Variants in PIEZO2 observed in about 807,000 individuals in gnomAD.
PIEZO2 encodes the protein piezo type mechanosensitive ion channel component 2.
PIEZO2 carries 172 observed loss-of-function variants against 337.3 expected under a neutral mutation model. The observed-to-expected ratio is 0.51, with a 90% confidence interval of 0.45 to 0.58. PIEZO2 has a LOEUF of 0.58. Ranked by LOEUF, PIEZO2 falls within the 20% of genes least tolerant of loss-of-function variation. The pLI, the probability that PIEZO2 is intolerant of heterozygous loss-of-function variation, is 0.00. For synonymous variants in PIEZO2, 1,251 were observed against 1,228.5 expected (o/e 1.02, Z -0.38); for missense variants, 3,028 against 3,391.3 (o/e 0.89, Z 2.66).
intron 2 of PIEZO2, among the ~76,000 whole-genome samples, chr18:11,018,387 G>A (rs934025129): frequency 7.9e-4 from 18 of 22,710 alleles, no homozygotes; most frequent in Admixed American, 1.8e-3. Context: ...CATGTCGTGT[G>A]TGTGTGTGTG....
rs1345924152 is a variant in PIEZO2 at position 11,078,719 on chromosome 18, C to T, written c.65-12497G>A. The stretch of plus-strand genomic sequence containing the variant: ...GCCTCTGACCACAGTGTGAAAACCT[C>T]GCTCCCAGAGCAACATCCAAATAGC... On this transcript the variant is annotated intron_variant, in intron 1 of 55. Transcript: ENST00000674853. The surrounding 1 kb of genome is among the most constrained non-coding windows in gnomAD (Gnocchi z 5.3). 6.6e-6 allele frequency among the ~76,000 whole-genome samples: 1 copy of T among 152,304 alleles called. No individual in the cohort carries two copies. Among genetic ancestry groups the T allele is most frequent in the African/African-American group, 2.4e-5 (1 of 41,576 alleles).
chr18:10,886,859 T>A (rs1396897007), intron 4 of PIEZO2, among the ~76,000 whole-genome samples: 1 of 151,956 alleles, frequency 6.6e-6, no homozygotes, highest in Admixed American at 6.6e-5. Context: ...ACCTGAGATT[T>A]AATAATTTGT....
At chr18:10,778,209 A>G (rs1445681511) in intron 18 of PIEZO2, among the ~76,000 whole-genome samples, 1 of 152,132 alleles carries the variant, frequency 6.6e-6, no homozygotes, top group Non-Finnish European at 1.5e-5. Flanking sequence ...TAAAGGATTC[A>G]CCCTGTCATT....
chr18:10,808,084 T>A (rs1461134581), intron 7 of PIEZO2, among the ~76,000 whole-genome samples: 5 of 152,122 alleles, frequency 3.3e-5, no homozygotes, highest in Non-Finnish European at 7.4e-5. Context: ...ACTGTTTGCA[T>A]CTTTTATTTA....
At chr18:10,801,490 G>A in intron 9 of PIEZO2, 62 bp from the exon 10 acceptor site, 1 of 1,409,918 alleles carries the variant, frequency 7.1e-7, no homozygotes, top group South Asian at 1.2e-5. Flanking sequence ...TACTGTTTAT[G>A]TATCTATAAA....
intron 37 of PIEZO2, 82 bp from the exon 38 acceptor site, chr18:10,715,898 C>A: frequency 8.6e-7 from 1 of 1,167,646 alleles, no homozygotes; most frequent in Non-Finnish European, 1.2e-6. Context: ...GATGTTTTAC[C>A]AAAGCTGGAC....
intron 49 of PIEZO2, among the ~76,000 whole-genome samples, chr18:10,684,081 C>CTTCCTTT (rs2034404516): frequency 1.1e-4 from 1 of 9,506 alleles, no homozygotes. Flanking sequence ...TTCCTTTTTC[C>CTTCCTTT]TTCCTTCCTT....
intron 1 of PIEZO2, among the ~76,000 whole-genome samples, chr18:11,141,735 G>A (rs1049076202): frequency 7.9e-5 from 12 of 152,166 alleles, no homozygotes; most frequent in African/African-American, 2.4e-4. Context: ...CAGGATGCTT[G>A]GTGTTGACCA....
chr18:11,135,052 AAT>A (rs1491276066), intron 1 of PIEZO2, among the ~76,000 whole-genome samples: 1 of 151,918 alleles, frequency 6.6e-6, no homozygotes, highest in Non-Finnish European at 1.5e-5. Context: ...AAAAAAAAAA[AAT>A]TTTTTTTCTT....
At position 10,901,596 on chromosome 18, in the gene PIEZO2, A is replaced by G. The variant is rs922203550; in HGVS notation, c.329+9590T>C. ...TTACTTCTTTGAGCTGGGTGGTCACATGGTGAAGTACTTTGAACCTTGGTT... is the reference window on the plus strand; with the variant it reads ...TTACTTCTTTGAGCTGGGTGGTCACGTGGTGAAGTACTTTGAACCTTGGTT... On this transcript the variant is annotated intron_variant, in intron 4 of 55. Transcript: ENST00000674853. 9.2e-5 allele frequency among the ~76,000 whole-genome samples: 14 copies of G among 152,272 alleles called. 1 individual carries two copies. Among genetic ancestry groups the G allele is most frequent in the Admixed American group, 8.5e-4 (13 of 15,286 alleles).
At chr18:10,928,642 T>C (rs2031899168) in intron 3 of PIEZO2, among the ~76,000 whole-genome samples, 1 of 152,244 alleles carries the variant, frequency 6.6e-6, no homozygotes, top group Non-Finnish European at 1.5e-5. Flanking sequence ...CAGGCCTTCA[T>C]GCCATCACAT....
In PIEZO2 at chr18:10,713,975, C is replaced by T. The variant is rs536460825; in HGVS notation, c.5423+789G>A. On this transcript the variant is annotated intron_variant, in intron 39 of 55. Coordinates refer to ENST00000674853, the MANE Select transcript of PIEZO2 (RefSeq NM_001378183.1). This position sits in a 1 kb window ranked among gnomAD's most constrained non-coding sequence, Gnocchi z 4.5. ...CTGGGACAGGCAGTAAGTTGGTCTG[C>T]GGTGCAGGAAGAGGCAATGAGAGAC... Among the ~76,000 whole-genome samples, 4 of 152,194 alleles carry T rather than the reference C, an allele frequency of 2.6e-5. No individual in the cohort carries two copies. Among genetic ancestry groups the T allele is most frequent in the East Asian group, 1.9e-4 (1 of 5,180 alleles).
Position 10,746,060 on chromosome 18 carries a change from C to T in PIEZO2, c.4425-1829G>A, listed in dbSNP as rs1181150319. 6.6e-6 allele frequency among the ~76,000 whole-genome samples: 1 copy of T among 152,170 alleles called. No homozygotes were observed. The highest frequency in any genetic ancestry group is 1.5e-5 in the Non-Finnish European group (1 of 68,032). On this transcript the variant is annotated intron_variant, in intron 30 of 55. Transcript: ENST00000674853. The surrounding 1 kb of genome is among the most constrained non-coding windows in gnomAD (Gnocchi z 4.2). ...TATTTTGCCTCTGGAATATCTTTCT[C>T]AGTGATCCTATCCTGGTCTAGCTGC...
intron 54 of PIEZO2, among the ~76,000 whole-genome samples, chr18:10,674,533 T>C (rs2033908882): frequency 6.6e-6 from 1 of 152,264 alleles, no homozygotes; most frequent in African/African-American, 2.4e-5. Flanking sequence ...TTCACTTATG[T>C]CTGCATCTTT....
At position 10,877,030 on chromosome 18, in the gene PIEZO2, C is replaced by T. The variant is rs2042285626; in HGVS notation, c.330-5615G>A. Among the ~76,000 whole-genome samples the T allele has an allele frequency of 6.6e-6, 1 of 152,222 alleles. No homozygotes were observed. Among genetic ancestry groups the T allele is most frequent in the South Asian group, 2.1e-4 (1 of 4,834 alleles). ...CACTCTCTTCTAATTCTCTACCTAC[C>T]TATGAATATCCATGAAAACTCATGT... On this transcript the variant is annotated intron_variant, in intron 4 of 55. Transcript: ENST00000674853. The surrounding 1 kb of genome is among the most constrained non-coding windows in gnomAD (Gnocchi z 5.3).
chr18:10,986,320 G>A (rs2034868613), intron 2 of PIEZO2, among the ~76,000 whole-genome samples: 1 of 151,906 alleles, frequency 6.6e-6, no homozygotes, highest in African/African-American at 2.4e-5. Flanking sequence ...GATGAACATA[G>A]AGGTAACAGT....
chr18:10,791,865 A>T (rs1035892544), intron 13 of PIEZO2, among the ~76,000 whole-genome samples: 2 of 152,224 alleles, frequency 1.3e-5, no homozygotes, highest in African/African-American at 4.8e-5. Flanking sequence ...CATTTTCTTA[A>T]GGACTAAGAA....
intron 48 of PIEZO2, 98 bp from the exon 49 acceptor site, chr18:10,689,900 C>CAGAAACA (rs1373607506): frequency 3.4e-5 from 48 of 1,403,156 alleles, no homozygotes; most frequent in Non-Finnish European, 4.3e-5. Context: ...GCTTTAACCT[C>CAGAAACA]ATGACTCAGA....
At position 10,943,214 on chromosome 18, in the gene PIEZO2, AAG is replaced by A. The variant is rs2032819280; in HGVS notation, c.287-31988_287-31987del. ...GGGCACCACCTAGTGGAGCTGTGAG[AAG>A]AGGGCCACTGCCATCCTGTAGACCC... On this transcript the variant is annotated intron_variant, in intron 3 of 55. Transcript: ENST00000674853. The surrounding 1 kb of genome is among the most constrained non-coding windows in gnomAD (Gnocchi z 4.5). Among the ~76,000 whole-genome samples, 1 of 152,158 alleles carries A rather than the reference AAG, an allele frequency of 6.6e-6. No homozygotes were observed. Among genetic ancestry groups the A allele is most frequent in the Admixed American group, 6.5e-5 (1 of 15,272 alleles).
Sources: gnomAD v4.1 joint callset for allele counts (sites outside exome capture counted in the v4.1 genomes callset) on GRCh38, gnomAD v4.1.1 for gene constraint, Gnocchi (gnomAD v3.1) non-coding constraint, MANE v1.5 for transcripts, NCBI Gene and HGNC (gene_info 2026-07-23, HGNC 2026-07-21) for gene names.